Variants in GPD2 observed in about 807,000 individuals in gnomAD.
GPD2 encodes the protein glycerol-3-phosphate dehydrogenase 2.
GPD2 carries 54 observed loss-of-function variants against 82.4 expected under a neutral mutation model. The observed-to-expected ratio is 0.66, with a 90% CI of 0.53 to 0.82. The LOEUF is 0.82. Among genes scored for constraint, GPD2 ranks in the 40% least tolerant of loss-of-function variants. The probability of loss-of-function intolerance (pLI) is 0.00; values close to 1 mark genes in which losing one functional copy is unlikely to be tolerated. For missense variants in GPD2, 748 were observed against 896.2 expected, an observed-to-expected ratio of 0.83 and a Z score of 2.11; for synonymous variants, 288 against 306.1, an observed-to-expected ratio of 0.94 and a Z score of 0.62.
chr2:156,552,410 G>A (rs1686791985), intron 8 of GPD2, among the ~76,000 whole-genome samples: 1 of 152,170 alleles, frequency 6.6e-6, no homozygotes, highest in African/African-American at 2.4e-5. Context: ...TTCAACATTA[G>A]TTCCAGATGC....
chr2:156,509,560 G>A (rs976933278), intron 3 of GPD2, among the ~76,000 whole-genome samples: 6 of 151,950 alleles, frequency 3.9e-5, no homozygotes, highest in African/African-American at 1.2e-4. Flanking sequence ...GTCTTTTGGC[G>A]TATTGGCTTT....
chr2:156,505,309 C>T (rs534845246), intron 3 of GPD2, among the ~76,000 whole-genome samples: 5 of 152,068 alleles, frequency 3.3e-5, no homozygotes, highest in African/African-American at 1.2e-4. Flanking sequence ...CTTTATTCTT[C>T]TACTCTAACT....
At chr2:156,406,248 A>G in the GPD2 span, among the ~76,000 whole-genome samples, 2 of 152,214 alleles carry the variant, frequency 1.3e-5, no homozygotes, top group African/African-American at 2.4e-5. Context: ...GATTAAAATC[A>G]AGGCATGGAA....
In GPD2 at chr2:156,513,449, C is replaced by T. The variant is rs142821701; in HGVS notation, c.614C>T (p.Pro205Leu). 3,726 of 1,612,072 alleles carry T rather than the reference C, an allele frequency of 2.3e-3. 1 individual carries two copies. The highest frequency in any genetic ancestry group is 3.0e-3 in the Non-Finnish European group (3,518 of 1,179,262). ...AAATCAAGAGCCCTTGAACATTTCC[C>T]AATGCTCCAGAAGGACAAACTGGTA... The part of the protein sequence containing the change: ...LSKSRALEHF[P>L]MLQKDKLVGA... The change falls in exon 6 of 17, where the codon CCA becomes CTA. Residue 205 changes from proline (P) to leucine (L), a missense_variant. By Grantham distance (98) the Pro-to-Leu change is moderately conservative. Transcript: ENST00000438166.
intron 1 of GPD2, among the ~76,000 whole-genome samples, chr2:156,465,181 A>G (rs1175109846): frequency 1.3e-5 from 2 of 152,106 alleles, no homozygotes; most frequent in African/African-American, 4.8e-5. Flanking sequence ...AACATTTTAC[A>G]GTATGTATTC....
chr2:156,497,857 G>T (rs1335631319), intron 3 of GPD2, among the ~76,000 whole-genome samples: 1 of 152,136 alleles, frequency 6.6e-6, no homozygotes, highest in Admixed American at 6.6e-5. Context: ...TATAATTTGA[G>T]CCAGATTAAC....
chr2:156,559,851 A>G (rs1346054263), intron 9 of GPD2, among the ~76,000 whole-genome samples: 2 of 152,200 alleles, frequency 1.3e-5, no homozygotes, highest in East Asian at 1.9e-4. Flanking sequence ...CTGCATTACA[A>G]TTTTAGCTTG....
At chr2:156,535,576 TTTG>T (rs1279848847) in intron 6 of GPD2, among the ~76,000 whole-genome samples, 1 of 152,110 alleles carries the variant, frequency 6.6e-6, no homozygotes, top group Non-Finnish European at 1.5e-5. Flanking sequence ...GTTGTTTTTT[TTTG>T]TTTTGTTTTG....
chr2:156,500,990 C>T (rs531978873), intron 3 of GPD2, among the ~76,000 whole-genome samples: 9 of 152,264 alleles, frequency 5.9e-5, no homozygotes, highest in African/African-American at 1.9e-4. Flanking sequence ...GCACTTTGCT[C>T]CCAAAGGAAG....
intron 2 of GPD2, chr2:156,495,578 G>A (rs935293864): frequency 1.8e-5 from 8 of 457,028 alleles, no homozygotes; most frequent in African/African-American, 1.6e-4. Flanking sequence ...GTTTTGTCAG[G>A]AGAACTGAGG....
the GPD2 span, among the ~76,000 whole-genome samples, chr2:156,422,362 G>C: frequency 2.6e-5 from 4 of 152,122 alleles, no homozygotes; most frequent in Admixed American, 2.6e-4. Flanking sequence ...CTATAATACA[G>C]ATTGGAAACT....
At chr2:156,463,649 G>A (rs1404571469) in intron 1 of GPD2, among the ~76,000 whole-genome samples, 12 of 152,186 alleles carry the variant, frequency 7.9e-5, no homozygotes, top group Non-Finnish European at 1.8e-4. Flanking sequence ...CAAGTTAGTG[G>A]AAGAGACAGA....
At chr2:156,477,552 GA>G (rs1359846533) in intron 2 of GPD2, among the ~76,000 whole-genome samples, 1 of 152,164 alleles carries the variant, frequency 6.6e-6, no homozygotes, top group African/African-American at 2.4e-5. Context: ...GGGTGATACC[GA>G]AAGTCTTTTG....
chr2:156,552,131 T>C (rs1488685876), intron 8 of GPD2, among the ~76,000 whole-genome samples: 1 of 152,220 alleles, frequency 6.6e-6, no homozygotes, highest in Non-Finnish European at 1.5e-5. Context: ...GAGAAAATCA[T>C]TAAAGAGAAT....
chr2:156,419,051 T>C, the GPD2 span, among the ~76,000 whole-genome samples: 2 of 93,440 alleles, frequency 2.1e-5, no homozygotes, highest in East Asian at 6.0e-4. Flanking sequence ...CTTTCCTTCT[T>C]TTTTTTTTTT....
chr2:156,459,236 G>A (rs4664206), intron 1 of GPD2, among the ~76,000 whole-genome samples: 1 of 151,910 alleles, frequency 6.6e-6, no homozygotes, highest in Non-Finnish European at 1.5e-5. Flanking sequence ...CAGTATGAAA[G>A]TGTTGCTTTT....
At chr2:156,495,739 A>T in intron 2 of GPD2, 1 of 397,754 alleles carries the variant, frequency 2.5e-6, no homozygotes. Flanking sequence ...TAGATAAGGT[A>T]TTTGGGAATT....
intron 15 of GPD2, 133 bp from the exon 16 acceptor site, chr2:156,579,557 C>T (rs1179035313): frequency 1.5e-6 from 1 of 649,422 alleles, no homozygotes; most frequent in Non-Finnish European, 2.8e-6. Context: ...GTCTCGAACT[C>T]CTGACCTCAA....
At chr2:156,484,594 C>A (rs1167311113) in intron 2 of GPD2, among the ~76,000 whole-genome samples, 1 of 152,018 alleles carries the variant, frequency 6.6e-6, no homozygotes, top group Non-Finnish European at 1.5e-5. Flanking sequence ...AATCCCAGCA[C>A]TTTGGGAGGC....
Sources: allele counts gnomAD v4.1 joint callset (sites outside exome capture counted in the v4.1 genomes callset), GRCh38; gene constraint gnomAD v4.1.1; transcripts MANE v1.5; gene names NCBI Gene and HGNC (gene_info 2026-07-23, HGNC 2026-07-21).